NRXN3: variants seen among roughly 807,000 people sequenced by gnomAD.
NRXN3 encodes the protein neurexin III.
NRXN3 carries 32 observed loss-of-function variants against 137.6 expected under a neutral mutation model. That is an observed-to-expected ratio of 0.23 (90% CI 0.18 to 0.31). The LOEUF is 0.31. NRXN3 is among the 10% of genes least tolerant of loss of function. The pLI is 1.00. For synonymous variants in NRXN3, 798 were observed against 784.5 expected (o/e 1.02, Z -0.29); for missense variants, 1,574 against 2,062.5 (o/e 0.76, Z 4.59).
At chr14:78,964,047 G>A (rs2099413046) in intron 11 of NRXN3, among the ~76,000 whole-genome samples, 1 of 152,044 alleles carries the variant, frequency 6.6e-6, no homozygotes, top group Admixed American at 6.6e-5. Flanking sequence ...GGGATTACAG[G>A]CATGAGCCAC....
chr14:79,427,658 C>A (rs1429610454), intron 15 of NRXN3, among the ~76,000 whole-genome samples: 1 of 151,906 alleles, frequency 6.6e-6, no homozygotes, highest in South Asian at 2.1e-4. Context: ...ATGGTGAAAC[C>A]CCATCTCTAC....
At chr14:79,536,826 C>A (rs8014959) in intron 16 of NRXN3, among the ~76,000 whole-genome samples, 145,785 of 152,202 alleles carry the variant, frequency 0.96, 70,107 homozygotes, top group East Asian at 1. Flanking sequence ...TCCATGGTAT[C>A]TATATACCAC....
intron 15 of NRXN3, among the ~76,000 whole-genome samples, chr14:79,095,689 A>T (rs2050185551): frequency 1.3e-5 from 2 of 152,144 alleles, no homozygotes; most frequent in South Asian, 4.1e-4. Flanking sequence ...TAGCTTCTCC[A>T]TACTGATATT....
chr14:78,171,700 C>T (rs763007760), intron 1 of NRXN3, among the ~76,000 whole-genome samples: 6 of 150,300 alleles, frequency 4.0e-5, no homozygotes, highest in Non-Finnish European at 7.4e-5. Flanking sequence ...CCTAAGGGCT[C>T]GGCTGCTTTG....
chr14:78,215,192 G>A (rs768549961), intron 1 of NRXN3, among the ~76,000 whole-genome samples: 2 of 152,134 alleles, frequency 1.3e-5, no homozygotes, highest in African/African-American at 2.4e-5. Context: ...TCCTGTTCCC[G>A]AGCCCACTCT....
intron 15 of NRXN3, among the ~76,000 whole-genome samples, chr14:79,429,071 C>T (rs2095703406): frequency 2.6e-5 from 4 of 152,156 alleles, no homozygotes; most frequent in Admixed American, 2.6e-4. Flanking sequence ...ACCAGTTGTA[C>T]TCCCTCTGGT....
At chr14:79,205,651 TG>T (rs915065012) in intron 15 of NRXN3, among the ~76,000 whole-genome samples, 1 of 152,212 alleles carries the variant, frequency 6.6e-6, no homozygotes, top group Admixed American at 6.5e-5. Context: ...CATAATGGTA[TG>T]GAAATTATTT....
At chr14:78,674,361 G>A (rs1389021090) in intron 6 of NRXN3, among the ~76,000 whole-genome samples, 1 of 152,140 alleles carries the variant, frequency 6.6e-6, no homozygotes. Flanking sequence ...CTGAAGCCCT[G>A]GATCCCTGGC....
chr14:79,251,199 G>T (rs1431936324), intron 15 of NRXN3, among the ~76,000 whole-genome samples: 1 of 152,188 alleles, frequency 6.6e-6, no homozygotes, highest in Non-Finnish European at 1.5e-5. Context: ...ACATTAGGAA[G>T]ATTTCTCCGG....
chr14:78,898,830 T>C (rs1459333328), intron 10 of NRXN3, among the ~76,000 whole-genome samples: 1 of 152,082 alleles, frequency 6.6e-6, no homozygotes, highest in Admixed American at 6.6e-5. Flanking sequence ...TGGTCTAGCA[T>C]AGGCATTCTC....
chr14:79,633,022 G>C (rs1461964522), intron 16 of NRXN3, among the ~76,000 whole-genome samples: 4 of 152,126 alleles, frequency 2.6e-5, no homozygotes, highest in Non-Finnish European at 4.4e-5. Context: ...AGAAAACTGA[G>C]AAATAGAACA....
At chr14:78,963,448 C>T (rs966672821) in intron 11 of NRXN3, among the ~76,000 whole-genome samples, 2 of 152,142 alleles carry the variant, frequency 1.3e-5, no homozygotes, top group Non-Finnish European at 2.9e-5. Flanking sequence ...CTATGACTCC[C>T]CCTCCCCATC....
At chr14:79,351,986 A>T (rs1020091854) in intron 15 of NRXN3, among the ~76,000 whole-genome samples, 7 of 152,204 alleles carry the variant, frequency 4.6e-5, no homozygotes, top group Admixed American at 6.5e-5. Context: ...AGCTCCATGA[A>T]TCTTTATTTT....
intron 15 of NRXN3, among the ~76,000 whole-genome samples, chr14:79,044,825 G>GT (rs5809914): frequency 2.1e-4 from 30 of 139,636 alleles, no homozygotes; most frequent in African/African-American, 2.9e-4. Flanking sequence ...AGCACCTCTA[G>GT]TTTTTTTTTT....
At chr14:79,628,051 T>C (rs906497992) in intron 16 of NRXN3, among the ~76,000 whole-genome samples, 25 of 152,276 alleles carry the variant, frequency 1.6e-4, no homozygotes, top group African/African-American at 4.8e-4. Context: ...AATCTATTAA[T>C]AAAAAGATAA....
At chr14:79,616,676 A>C (rs2098159971) in intron 16 of NRXN3, among the ~76,000 whole-genome samples, 1 of 152,166 alleles carries the variant, frequency 6.6e-6, no homozygotes, top group Admixed American at 6.5e-5. Context: ...AGTTTAAAAA[A>C]ATAGAATGAG....
intron 15 of NRXN3, among the ~76,000 whole-genome samples, chr14:79,107,321 T>A (rs1279446860): frequency 2.0e-5 from 3 of 152,174 alleles, no homozygotes; most frequent in Admixed American, 2.0e-4. Flanking sequence ...GGCTGAGAAG[T>A]GGCTGATCAT....
intron 15 of NRXN3, among the ~76,000 whole-genome samples, chr14:79,435,285 A>G (rs1429425281): frequency 6.8e-6 from 1 of 147,120 alleles, no homozygotes; most frequent in Admixed American, 7.0e-5. Flanking sequence ...AAAGAAAGGG[A>G]GGAGGAAATT....
chr14:78,484,544 A>G (rs1197515924), intron 4 of NRXN3, among the ~76,000 whole-genome samples: 1 of 152,118 alleles, frequency 6.6e-6, no homozygotes, highest in Non-Finnish European at 1.5e-5. Flanking sequence ...GGGGCCTAGA[A>G]TTGTCCCAGG....
Sources: gnomAD v4.1 joint callset for allele counts (sites outside exome capture counted in the v4.1 genomes callset) on GRCh38, gnomAD v4.1.1 for gene constraint, MANE v1.5 for transcripts, NCBI Gene and HGNC (gene_info 2026-07-23, HGNC 2026-07-21) for gene names.